The following ERN1 variants were observed in gnomAD, a reference collection of about 807,000 sequenced individuals.
ERN1 encodes serine/threonine-protein kinase/endoribonuclease IRE1.
A neutral mutation model predicts 113.1 loss-of-function variants in ERN1; 39 were observed. That is an observed-to-expected ratio of 0.34 (90% CI 0.27 to 0.45). ERN1 has a LOEUF of 0.45. Among genes scored for constraint, ERN1 ranks in the 20% least tolerant of loss-of-function variants. The pLI, the probability that ERN1 is intolerant of heterozygous loss-of-function variation, is 1.00. For synonymous variants in ERN1, 507 were observed against 515.9 expected (o/e 0.98, Z 0.23); for missense variants, 976 against 1,274.8 (o/e 0.77, Z 3.57).
At chr17:64,090,916 A>G (rs1446170559) in intron 2 of ERN1, among the ~76,000 whole-genome samples, 1 of 152,226 alleles carries the variant, frequency 6.6e-6, no homozygotes, top group Non-Finnish European at 1.5e-5. Context: ...GTAAAATACA[A>G]AAAAAGAAAG....
In ERN1 at chr17:64,042,634, G is replaced by C. The variant is rs1912375840; in HGVS notation, c.*1354C>G. Reference sequence around the variant, plus strand: ...CCTCTAAGGCTCTCGGGAGAGAAAAGACAAAGTTTTGACTGAAACTAAAGC... The same window carrying C: ...CCTCTAAGGCTCTCGGGAGAGAAAACACAAAGTTTTGACTGAAACTAAAGC... On this transcript the variant is annotated 3_prime_UTR_variant, in exon 22 of 22. Transcript: ENST00000433197. The C allele has an allele frequency of 6.6e-6, 1 of 151,996 alleles. No individual in the cohort carries two copies. The highest frequency in any genetic ancestry group is 1.5e-5 in the Non-Finnish European group (1 of 67,998). The allele number at this position is 151,996 out of a possible 1,614,324, so 9.4% of individuals were successfully genotyped here. A position where few individuals can be genotyped will look rare whatever the true frequency, so the allele number is the denominator to read the frequency against.
chr17:64,128,715 G>C (rs1915147943), intron 1 of ERN1: 1 of 151,866 alleles, frequency 6.6e-6, no homozygotes, highest in Non-Finnish European at 1.5e-5. Context: ...TAAAAGTGGG[G>C]TTTTTATTTG....
Position 64,057,976 on chromosome 17 carries a change from G to A in ERN1, c.1224C>T (p.Asp408=). The A allele has an allele frequency of 6.3e-7, 1 of 1,577,120 alleles. No homozygotes were observed. The highest frequency in any genetic ancestry group is 8.6e-7 in the Non-Finnish European group (1 of 1,161,564). ...TGGTAGGTGCGTTTTCTGAAGTCTG[G>A]TCAACCAGGTTGATAACCTTGCATG... ...KSFEEVINLV[D]QTSENAPTTV... Residue 408 remains aspartate, a synonymous_variant, in exon 12 of 22, where the codon GAC becomes GAT. Coordinates refer to ENST00000433197, the MANE Select transcript of ERN1 (RefSeq NM_001433.5).
chr17:64,064,619 CA>C (rs1399823280), intron 9 of ERN1, among the ~76,000 whole-genome samples: 2 of 152,196 alleles, frequency 1.3e-5, no homozygotes, highest in Non-Finnish European at 2.9e-5. Flanking sequence ...GAGCCAACCA[CA>C]CAGCCCAAGC....
intron 18 of ERN1, 57 bp from the exon 19 acceptor site, chr17:64,048,042 A>G (rs1912568129): frequency 3.3e-6 from 5 of 1,501,248 alleles, no homozygotes; most frequent in Non-Finnish European, 3.6e-6. Flanking sequence ...ACAGTGAAAT[A>G]CCAAAAACTT....
chr17:64,075,268 A>AC, intron 4 of ERN1, 21 bp from the exon 5 acceptor site: 1 of 1,420,812 alleles, frequency 7.0e-7, no homozygotes, highest in Non-Finnish European at 9.4e-7. Flanking sequence ...AAAAAAAAAG[A>AC]AAAAAAAAAG....
rs1034730746 is a variant in ERN1, at chr17:64,056,195, C to A, written c.1399-247G>T. On this transcript the variant is annotated intron_variant, in intron 12 of 21. Transcript: ENST00000433197. The stretch of plus-strand genomic sequence containing the variant: ...AACCCTAGGAGGGGCTGGATGGCCA[C>A]CAGGGGAGGGACTGTGCCCTAGGTT... 5.9e-5 allele frequency among the ~76,000 whole-genome samples: 9 copies of A among 152,162 alleles called. No individual in the cohort carries two copies. The South Asian group carries it at 1.0e-3, about 18-fold the overall frequency.
At chr17:64,076,114 T>C (rs1913584033) in intron 4 of ERN1, among the ~76,000 whole-genome samples, 1 of 152,234 alleles carries the variant, frequency 6.6e-6, no homozygotes, top group African/African-American at 2.4e-5. Flanking sequence ...TCAACTGCAT[T>C]TCATCATAAA....
At chr17:64,112,440 A>G (rs1395881905) in intron 1 of ERN1, among the ~76,000 whole-genome samples, 6 of 152,122 alleles carry the variant, frequency 3.9e-5, no homozygotes, top group African/African-American at 1.2e-4. Context: ...AAACATTACT[A>G]TATTTTAAGT....
chr17:64,068,936 G>A (rs908821605), intron 6 of ERN1, among the ~76,000 whole-genome samples: 5 of 152,186 alleles, frequency 3.3e-5, no homozygotes, highest in Admixed American at 6.5e-5. Context: ...AGCTGTCTAT[G>A]ATATATTGTG....
At chr17:64,055,487 C>G (rs1017806130) in intron 13 of ERN1, among the ~76,000 whole-genome samples, 188 bp downstream of exon 13, 1 of 152,158 alleles carries the variant, frequency 6.6e-6, no homozygotes, top group Non-Finnish European at 1.5e-5. Flanking sequence ...TCCCAGAAGG[C>G]CCTCTGAAGG....
At chr17:64,114,885 C>T (rs73992949) in intron 1 of ERN1, among the ~76,000 whole-genome samples, 8,426 of 151,990 alleles carry the variant, frequency 0.055, 658 homozygotes, top group African/African-American at 0.18. Context: ...CGTAGGAGAG[C>T]GTAGTAAATA....
chr17:64,125,951 T>C (rs1403871785), intron 1 of ERN1, among the ~76,000 whole-genome samples: 2 of 152,202 alleles, frequency 1.3e-5, no homozygotes, highest in Non-Finnish European at 2.9e-5. Context: ...TACCGTTGTA[T>C]TTGCTGTATG....
chr17:64,074,714 T>C (rs528214633), intron 5 of ERN1, among the ~76,000 whole-genome samples: 19 of 152,370 alleles, frequency 1.2e-4, no homozygotes, highest in African/African-American at 4.6e-4. Flanking sequence ...ATCTGATGCT[T>C]TGAAAGCTGT....
chr17:64,102,355 G>C (rs74201853), intron 1 of ERN1, among the ~76,000 whole-genome samples: 1 of 152,162 alleles, frequency 6.6e-6, no homozygotes, highest in East Asian at 1.9e-4. Context: ...AAAATACAAA[G>C]TTTAGAGAGA....
rs1029822768 is a variant in ERN1 at position 64,039,191 on chromosome 17, G to A, written c.*4797C>T. On this transcript the variant is annotated 3_prime_UTR_variant, in exon 22 of 22. Coordinates refer to ENST00000433197, the MANE Select transcript of ERN1 (RefSeq NM_001433.5). ...TGTGGTTGGCTCGACATAAGATGCC[G>A]CCATCAGCAGAATTATAAAACTGTA... The A allele has an allele frequency of 6.6e-6, 1 of 152,116 alleles. No individual in the cohort carries two copies. Among genetic ancestry groups the A allele is most frequent in the Admixed American group, 6.5e-5 (1 of 15,268 alleles). 9.4% of individuals were successfully genotyped at this position (152,116 alleles called of 1,614,324 possible).
chr17:64,074,170 T>C (rs1347078460), intron 5 of ERN1, among the ~76,000 whole-genome samples: 1 of 152,194 alleles, frequency 6.6e-6, no homozygotes, highest in Non-Finnish European at 1.5e-5. Flanking sequence ...CATAACTCAG[T>C]TATTACTTTA....
chr17:64,119,376 G>GTTGTTTTTTTTTTTGTTTTTT (rs777806993), intron 1 of ERN1, among the ~76,000 whole-genome samples: 1 of 77,910 alleles, frequency 1.3e-5, no homozygotes, highest in African/African-American at 5.6e-5. Context: ...TTTTTTCTAG[G>GTTGTTTTTTTTTTTGTTTTTT]TTTTTTTTTT....
chr17:64,063,894 A>G lies in ERN1; in HGVS notation c.1087+92T>C. 1 of 1,253,612 alleles carries G rather than the reference A, an allele frequency of 8.0e-7. No homozygotes were observed. The highest frequency in any genetic ancestry group is 1.1e-6 in the Non-Finnish European group (1 of 887,458). The allele number at this position is 1,253,612 out of a possible 1,614,324, so 77.7% of individuals were successfully genotyped here. A position where few individuals can be genotyped will look rare whatever the true frequency, so the allele number is the denominator to read the frequency against. ...AGGGCTCTGAGCACAAGGCCTTCCG[A>G]GCTCAGTACGGTGTAACTACCAGGG... On this transcript the variant is annotated intron_variant, in intron 10 of 21. Transcript: ENST00000433197. This position sits in a 1 kb window ranked among gnomAD's most constrained non-coding sequence, Gnocchi z 5.1.
Sources: gnomAD v4.1 joint callset for allele counts (sites outside exome capture counted in the v4.1 genomes callset) on GRCh38, gnomAD v4.1.1 for gene constraint, Gnocchi (gnomAD v3.1) non-coding constraint, MANE v1.5 for transcripts, NCBI Gene and HGNC (gene_info 2026-07-23, HGNC 2026-07-21) for gene names.